METTL15: variants seen among roughly 807,000 people sequenced by gnomAD.
The protein encoded by METTL15 is methyltransferase 15, mitochondrial 12S rRNA N4-cytidine.
A neutral mutation model predicts 38.3 loss-of-function variants in METTL15; 34 were observed. The observed-to-expected ratio is 0.89, with a 90% CI of 0.68 to 1.18. METTL15 has a LOEUF of 1.18. Ranked by LOEUF, METTL15 falls within the 50% of genes most tolerant of loss-of-function variation. METTL15 has a pLI of 0.00. For missense variants in METTL15, 438 were observed against 498.4 expected, an observed-to-expected ratio of 0.88 and a Z score of 1.15; for synonymous variants, 162 against 170.9, an observed-to-expected ratio of 0.95 and a Z score of 0.41.
chr11:28,316,039 G>C (rs1325644251), intron 6 of METTL15, among the ~76,000 whole-genome samples: 3 of 152,236 alleles, frequency 2.0e-5, no homozygotes, highest in Admixed American at 2.0e-4. Context: ...CCCCCACACA[G>C]AGTTCCCACT....
chr11:28,208,337 A>G (rs1476565435), intron 3 of METTL15, among the ~76,000 whole-genome samples: 3 of 152,082 alleles, frequency 2.0e-5, no homozygotes, highest in Non-Finnish European at 4.4e-5. Context: ...TTCAAAGAAC[A>G]TCTTTATTTC....
At chr11:28,474,391 A>G (rs538780677) in intron 6 of METTL15, among the ~76,000 whole-genome samples, 5 of 152,106 alleles carry the variant, frequency 3.3e-5, no homozygotes, top group Admixed American at 2.6e-4. Context: ...CACTAACACT[A>G]TTGTTGAAAA....
intron 4 of METTL15, among the ~76,000 whole-genome samples, chr11:28,235,759 C>G (rs549666255): frequency 6.6e-6 from 1 of 152,262 alleles, no homozygotes; most frequent in East Asian, 1.9e-4. Flanking sequence ...CAAACAGGGA[C>G]AATTTGACTT....
Position 28,330,559 on chromosome 11 carries a change from T to C in METTL15, c.942T>C (p.Gly314=). The change falls in exon 7 of 7, where the codon GGT becomes GGC. Residue 314 remains glycine, a synonymous_variant. Coordinates refer to ENST00000407364, the MANE Select transcript of METTL15 (RefSeq NM_001113528.2). Reference sequence around the variant, plus strand: ...CTCAGAAGTTTCTGAGACCTGGTGGTCGTCTTGTTGCCCTCTCCTTCCATT... The same window carrying C: ...CTCAGAAGTTTCTGAGACCTGGTGGCCGTCTTGTTGCCCTCTCCTTCCATT... ...KTAQKFLRPG[G]RLVALSFHSL... The C allele has an allele frequency of 6.4e-7, 1 of 1,551,700 alleles. No homozygotes were observed.
At chr11:28,261,227 A>G (rs1179725377) in intron 4 of METTL15, 1 of 152,258 alleles carries the variant, frequency 6.6e-6, no homozygotes, top group Non-Finnish European at 1.5e-5. Flanking sequence ...GCTCAAAGAA[A>G]TAAAGAAAAA....
In METTL15 at chr11:28,503,246, G is replaced by A. The variant is rs76122706; in HGVS notation, c.*425-23232G>A. On this transcript the variant is annotated intron_variant and NMD_transcript_variant, in intron 6 of 7. Transcript: ENST00000532947. ...TTGCCCATAGTAGTCATATGTCTAA[G>A]CCTGACCCTTGTGGGGTGTAAAAGT... 7.9e-3 allele frequency among the ~76,000 whole-genome samples: 1,208 copies of A among 152,306 alleles called. 24 individuals are homozygous for A. Among genetic ancestry groups the A allele is most frequent in the African/African-American group, 0.027 (1,136 of 41,560 alleles).
chr11:28,236,752 T>C (rs1458639003), intron 4 of METTL15, among the ~76,000 whole-genome samples: 1 of 152,208 alleles, frequency 6.6e-6, no homozygotes, highest in Non-Finnish European at 1.5e-5. Context: ...GTTGTGCCTT[T>C]CCATGTTTAG....
At position 28,308,205 on chromosome 11, in the gene METTL15, T is replaced by C. The variant is rs76751613; in HGVS notation, c.778+11274T>C. 3.0e-4 allele frequency among the ~76,000 whole-genome samples: 46 copies of C among 152,254 alleles called. No homozygotes were observed. In the East Asian group the frequency reaches 8.5e-3, roughly 28 times the overall value. On this transcript the variant is annotated intron_variant, in intron 6 of 6. Transcript: ENST00000407364. Reference sequence around the variant, plus strand: ...CTGTTTCTCTGATTACCTTTAAGATTTTTCTGTCATTCATATTTAATTGTG... The same window carrying C: ...CTGTTTCTCTGATTACCTTTAAGATCTTTCTGTCATTCATATTTAATTGTG...
chr11:28,186,754 T>C (rs1851509389), intron 3 of METTL15, among the ~76,000 whole-genome samples: 2 of 151,186 alleles, frequency 1.3e-5, no homozygotes, highest in African/African-American at 4.8e-5. Flanking sequence ...CCAGCCACTA[T>C]TGTAATATAA....
intron 3 of METTL15, among the ~76,000 whole-genome samples, chr11:28,209,123 C>G (rs893780150): frequency 1.3e-5 from 2 of 151,916 alleles, no homozygotes. Context: ...AAATTATAAT[C>G]ACTCACATTT....
At chr11:28,113,267 G>T in intron 2 of METTL15, 51 bp from the exon 3 acceptor site, 1 of 1,263,168 alleles carries the variant, frequency 7.9e-7, no homozygotes, top group South Asian at 1.5e-5. Context: ...CCAAGTATTA[G>T]AACATTCTTT....
intron 4 of METTL15, among the ~76,000 whole-genome samples, chr11:28,214,960 CA>C (rs2133848481): frequency 6.6e-6 from 1 of 152,138 alleles, no homozygotes; most frequent in African/African-American, 2.4e-5. Flanking sequence ...GAGAGGTTGA[CA>C]AGAGAAAAGA....
intron 5 of METTL15, among the ~76,000 whole-genome samples, chr11:28,376,409 C>A (rs1391625262): frequency 2.0e-5 from 3 of 151,984 alleles, no homozygotes; most frequent in East Asian, 1.9e-4. Flanking sequence ...GATCCCTTTA[C>A]CATTATGTAA....
intron 4 of METTL15, among the ~76,000 whole-genome samples, chr11:28,255,276 A>G (rs895507804): frequency 1.3e-5 from 2 of 152,108 alleles, no homozygotes; most frequent in Non-Finnish European, 2.9e-5. Flanking sequence ...TTTTCTATTG[A>G]CATATAGAAA....
chr11:28,364,187 C>T (rs187096412), intron 5 of METTL15, among the ~76,000 whole-genome samples: 9 of 152,168 alleles, frequency 5.9e-5, no homozygotes, highest in Admixed American at 2.0e-4. Context: ...TATAAATAAA[C>T]TTTACAATAT....
intron 4 of METTL15, among the ~76,000 whole-genome samples, chr11:28,267,151 A>G (rs1855455766): frequency 7.5e-6 from 1 of 134,068 alleles, no homozygotes; most frequent in Non-Finnish European, 1.6e-5. Flanking sequence ...CTAGAATGAA[A>G]CTCCATCTCA....
chr11:28,471,794 C>T (rs978086936), intron 6 of METTL15, among the ~76,000 whole-genome samples: 1 of 151,774 alleles, frequency 6.6e-6, no homozygotes, highest in East Asian at 1.9e-4. Context: ...TATAAATCTC[C>T]TGGTACAGTT....
chr11:28,452,480 A>G (rs901736278), intron 6 of METTL15, among the ~76,000 whole-genome samples: 1 of 152,240 alleles, frequency 6.6e-6, no homozygotes, highest in African/African-American at 2.4e-5. Flanking sequence ...GTGAGAAACA[A>G]TGCTGTATGT....
At chr11:28,231,440 T>G (rs1205832424) in intron 4 of METTL15, among the ~76,000 whole-genome samples, 1 of 151,902 alleles carries the variant, frequency 6.6e-6, no homozygotes, top group Non-Finnish European at 1.5e-5. Context: ...GTTAGCTATT[T>G]AAGGAATACT....
Sources: allele counts gnomAD v4.1 joint callset (sites outside exome capture counted in the v4.1 genomes callset), GRCh38; gene constraint gnomAD v4.1.1; transcripts MANE v1.5; gene names NCBI Gene and HGNC (gene_info 2026-07-23, HGNC 2026-07-21).